JPH2: variants seen among roughly 807,000 people sequenced by gnomAD.
JPH2 encodes junctophilin-2.
In JPH2, 38 loss-of-function variants were observed where a neutral mutation model predicts 55.9. The observed-to-expected ratio is 0.68, with a 90% CI of 0.52 to 0.89. JPH2 has a LOEUF of 0.89. JPH2 is among the 40% of genes least tolerant of loss of function. The pLI is 0.00. For missense variants in JPH2, 964 were observed against 1,037.6 expected, an observed-to-expected ratio of 0.93 and a Z score of 0.97; for synonymous variants, 480 against 472.4, an observed-to-expected ratio of 1.02 and a Z score of -0.21.
intron 2 of JPH2, among the ~76,000 whole-genome samples, chr20:44,158,251 G>T (rs945624014): frequency 6.6e-6 from 1 of 152,210 alleles, no homozygotes; most frequent in Admixed American, 6.5e-5. Context: ...AGGAGTAGAG[G>T]TTAAGTGAGT....
At position 44,107,284 on chromosome 20, in the gene JPH2, G is replaced by A. The variant is rs766159668; in HGVS notation, c.*6234C>T. Among the ~76,000 whole-genome samples the A allele has an allele frequency of 1.3e-5, 2 of 152,004 alleles. No individual in the cohort carries two copies. The highest frequency in any genetic ancestry group is 2.9e-5 in the Non-Finnish European group (2 of 68,010). The stretch of plus-strand genomic sequence containing the variant: ...TAAGCACTCACTGAATGTCTACTCT[G>A]CCCCGAGACCTAAGTGGGACAATGG... On this transcript the variant is annotated 3_prime_UTR_variant, in exon 6 of 6. Coordinates refer to ENST00000372980, the MANE Select transcript of JPH2 (RefSeq NM_020433.5).
At chr20:44,162,305 C>G (rs536199229) in intron 1 of JPH2, among the ~76,000 whole-genome samples, 1 of 152,218 alleles carries the variant, frequency 6.6e-6, no homozygotes, top group South Asian at 2.1e-4. Flanking sequence ...TCCTGGAACT[C>G]TTTTCCTCCA....
At chr20:44,116,810 C>A (rs1260516153) in intron 3 of JPH2, among the ~76,000 whole-genome samples, 1 of 152,206 alleles carries the variant, frequency 6.6e-6, no homozygotes, top group Non-Finnish European at 1.5e-5. Flanking sequence ...ATGTCAAAGG[C>A]GGAGCTCAGG....
At chr20:44,165,047 A>G (rs954899002) in intron 1 of JPH2, among the ~76,000 whole-genome samples, 4 of 152,196 alleles carry the variant, frequency 2.6e-5, no homozygotes, top group Admixed American at 2.6e-4. Flanking sequence ...CATGTTGGCC[A>G]GGCTGGTCTC....
chr20:44,109,971 A>G lies in JPH2; in HGVS notation c.*3547T>C, dbSNP rs904852777. On this transcript the variant is annotated 3_prime_UTR_variant, in exon 6 of 6. Coordinates refer to ENST00000372980, the MANE Select transcript of JPH2 (RefSeq NM_020433.5). Reference sequence around the variant, plus strand: ...GCTTTTAAGTTCATGCATGGTACAAACCACCTTAAATGCATTCCGGGCATG... The same window carrying G: ...GCTTTTAAGTTCATGCATGGTACAAGCCACCTTAAATGCATTCCGGGCATG... Among the ~76,000 whole-genome samples the G allele has an allele frequency of 6.6e-6, 1 of 152,106 alleles. No individual in the cohort carries two copies. The highest frequency in any genetic ancestry group is 6.5e-5 in the Admixed American group (1 of 15,274).
Position 44,113,212 on chromosome 20 carries a change from G to C in JPH2, c.*306C>G, listed in dbSNP as rs1285531994. On this transcript the variant is annotated 3_prime_UTR_variant, in exon 6 of 6. Transcript: ENST00000372980. The stretch of plus-strand genomic sequence containing the variant: ...CAACCTAGGGAAAGGCAAGGGAGTG[G>C]AGGAGAGCGGGGGACAGGAGCAGAT... 1 of 152,516 alleles carries C rather than the reference G, an allele frequency of 6.6e-6. No homozygotes were observed. Among genetic ancestry groups the C allele is most frequent in the East Asian group, 1.9e-4 (1 of 5,198 alleles). The allele number at this position is 152,516 out of a possible 1,614,324, so 9.4% of individuals were successfully genotyped here.
At position 44,186,833 on chromosome 20, in the gene JPH2, G is replaced by C; in HGVS notation, c.-128C>G. 1 of 944,804 alleles carries C rather than the reference G, an allele frequency of 1.1e-6. No individual in the cohort carries two copies. Among genetic ancestry groups the C allele is most frequent in the South Asian group, 1.5e-5 (1 of 65,964 alleles). The allele number at this position is 944,804 out of a possible 1,614,324, so 58.5% of individuals were successfully genotyped here. ...GACTCACCACTGCACCCCAGGAGGG[G>C]GGAAGCAGGATGCCAGCAGAGGCTG... On this transcript the variant is annotated 5_prime_UTR_variant, in exon 1 of 6. Coordinates refer to ENST00000372980, the MANE Select transcript of JPH2 (RefSeq NM_020433.5).
At chr20:44,184,547 C>T (rs6065708) in intron 1 of JPH2, among the ~76,000 whole-genome samples, 59,966 of 151,930 alleles carry the variant, frequency 0.39, 11,974 homozygotes, top group African/African-American at 0.42. Context: ...GCCCGTCCAC[C>T]GTCCACATTT....
At chr20:44,140,646 CAT>C (rs1465299384) in intron 2 of JPH2, among the ~76,000 whole-genome samples, 1 of 151,956 alleles carries the variant, frequency 6.6e-6, no homozygotes, top group Non-Finnish European at 1.5e-5. Context: ...TCCTATGGCA[CAT>C]GTCCTCTAGC....
At chr20:44,128,377 C>T (rs1360695412) in intron 2 of JPH2, among the ~76,000 whole-genome samples, 1 of 152,156 alleles carries the variant, frequency 6.6e-6, no homozygotes, top group Non-Finnish European at 1.5e-5. Flanking sequence ...ATCATTTGCT[C>T]ATTCTCGTTA....
chr20:44,118,783 C>T (rs2072213414), intron 2 of JPH2, among the ~76,000 whole-genome samples, 160 bp from the exon 3 acceptor site: 1 of 152,242 alleles, frequency 6.6e-6, no homozygotes, highest in Non-Finnish European at 1.5e-5. Context: ...GCTATGCATT[C>T]TCCAGATCAT....
At chr20:44,140,938 A>G (rs1195153788) in intron 2 of JPH2, among the ~76,000 whole-genome samples, 1 of 152,160 alleles carries the variant, frequency 6.6e-6, no homozygotes, top group African/African-American at 2.4e-5. Context: ...ATGCCCAAGG[A>G]ACGAGTGTTA....
chr20:44,131,190 A>T (rs2072315994), intron 2 of JPH2, among the ~76,000 whole-genome samples: 1 of 152,186 alleles, frequency 6.6e-6, no homozygotes, highest in Non-Finnish European at 1.5e-5. Context: ...TTAGACTGTG[A>T]CTTCTCTCTT....
chr20:44,126,164 G>GGAAGGAAGGAAGGAAGGA (rs1569186945), intron 2 of JPH2, among the ~76,000 whole-genome samples: 23 of 30,102 alleles, frequency 7.6e-4, no homozygotes, highest in African/African-American at 2.5e-3. Flanking sequence ...GGGAGGGAGG[G>GGAAGGAAGGAAGGAAGGA]AGGGAGGAAG....
At chr20:44,141,840 C>G (rs2072458900) in intron 2 of JPH2, among the ~76,000 whole-genome samples, 1 of 152,098 alleles carries the variant, frequency 6.6e-6, no homozygotes, top group Non-Finnish European at 1.5e-5. Context: ...CAGCTGAGCA[C>G]AGTTCTAACT....
At chr20:44,176,521 G>C (rs1336433971) in intron 1 of JPH2, among the ~76,000 whole-genome samples, 1 of 152,022 alleles carries the variant, frequency 6.6e-6, no homozygotes, top group Non-Finnish European at 1.5e-5. Context: ...GTAGCCATAG[G>C]CCGGGCACAG....
At chr20:44,163,534 T>C (rs540385521) in intron 1 of JPH2, among the ~76,000 whole-genome samples, 15 of 152,254 alleles carry the variant, frequency 9.9e-5, no homozygotes, top group Admixed American at 9.8e-4. Context: ...AGAACCCCCA[T>C]TAAGGATCAT....
chr20:44,159,708 T>C lies in JPH2; in HGVS notation c.1079A>G (p.Asn360Ser), dbSNP rs1374929306. 3 of 1,613,398 alleles carry C rather than the reference T, an allele frequency of 1.9e-6. No homozygotes were observed. The highest frequency in any genetic ancestry group is 2.5e-6 in the Non-Finnish European group (3 of 1,179,962). The change falls in exon 2 of 6, where the codon AAC becomes AGC. Residue 360 changes from asparagine to serine, a missense_variant. Transcript: ENST00000372980. This position sits in a 1 kb window ranked among gnomAD's most constrained non-coding sequence, Gnocchi z 5.7. ...GTGCTCCACTTTCTGGCGGACCTTG[T>C]TGCTCTTGAGCTGCAGCATGCGGCG... is the stretch of plus-strand genomic sequence containing the variant. ...TKRRMLQLKS[N>S]KVRQKVEHSV...
At chr20:44,117,857 G>T (rs1309369924) in intron 3 of JPH2, among the ~76,000 whole-genome samples, 2 of 152,228 alleles carry the variant, frequency 1.3e-5, no homozygotes, top group Non-Finnish European at 2.9e-5. Flanking sequence ...CACAGTCACT[G>T]AGAGCTTACT....
Sources: gnomAD v4.1 joint callset for allele counts (sites outside exome capture counted in the v4.1 genomes callset) on GRCh38, gnomAD v4.1.1 for gene constraint, Gnocchi (gnomAD v3.1) non-coding constraint, MANE v1.5 for transcripts, NCBI Gene and HGNC (gene_info 2026-07-23, HGNC 2026-07-21) for gene names.